Variants in WARS2 observed in about 807,000 individuals in gnomAD.
The protein encoded by WARS2 is tryptophanyl tRNA synthetase 2, mitochondrial.
Under a neutral mutation model 36.5 loss-of-function variants are expected in WARS2, and 28 were observed. The ratio of observed to expected loss-of-function variants is 0.77; its 90% CI spans 0.57 to 1.05. The LOEUF (loss-of-function observed/expected upper bound fraction) is 1.05, where lower values mean the gene tolerates loss of function less well. Ranked by LOEUF, WARS2 falls within the 50% of genes least tolerant of loss-of-function variation. The pLI, the probability that WARS2 is intolerant of heterozygous loss-of-function variation, is 0.00. For missense variants in WARS2, 435 were observed against 456.8 expected (o/e 0.95, Z 0.44); for synonymous variants, 174 against 178.4 (o/e 0.98, Z 0.20).
chr1:119,097,773 C>T (rs587741383), intron 1 of WARS2, among the ~76,000 whole-genome samples: 2 of 152,252 alleles, frequency 1.3e-5, no homozygotes, highest in African/African-American at 4.8e-5. Context: ...TCAATATATG[C>T]ATGTCAATGA....
chr1:119,078,508 CT>C (rs1280939078), intron 1 of WARS2, among the ~76,000 whole-genome samples: 1 of 152,008 alleles, frequency 6.6e-6, no homozygotes, highest in Non-Finnish European at 1.5e-5. Flanking sequence ...TATTAGCAGT[CT>C]TTTTATTTTT....
chr1:119,063,842 C>T (rs1650606497), intron 2 of WARS2: 1 of 152,142 alleles, frequency 6.6e-6, no homozygotes, highest in Non-Finnish European at 1.5e-5. Context: ...GCTGCAGGAG[C>T]GAGGCCCTTA....
At chr1:119,116,550 A>C (rs1362702120) in intron 1 of WARS2, among the ~76,000 whole-genome samples, 1 of 152,200 alleles carries the variant, frequency 6.6e-6, no homozygotes, top group Non-Finnish European at 1.5e-5. Flanking sequence ...GATAGCCAAA[A>C]AACTGTGAGT....
At chr1:119,057,214 C>T (rs1183409748) in intron 2 of WARS2, among the ~76,000 whole-genome samples, 2 of 151,860 alleles carry the variant, frequency 1.3e-5, no homozygotes, top group East Asian at 2.0e-4. Context: ...GGCACGATCT[C>T]GGCTGACTGA....
intron 1 of WARS2, among the ~76,000 whole-genome samples, chr1:119,096,626 C>A (rs752373547): frequency 2.0e-5 from 3 of 152,020 alleles, no homozygotes; most frequent in Non-Finnish European, 4.4e-5. Flanking sequence ...CTCCTCCTTC[C>A]CCAACTGGAA....
rs1656421961 is a variant in WARS2 at position 119,135,570 on chromosome 1, T to C, written c.90+4985A>G. Among the ~76,000 whole-genome samples the C allele has an allele frequency of 2.0e-5, 3 of 152,184 alleles. No homozygotes were observed. In the South Asian group the frequency reaches 6.2e-4, roughly 32 times the overall value. On this transcript the variant is annotated intron_variant, in intron 1 of 5. Transcript: ENST00000235521. Reference sequence around the variant, plus strand: ...TAGTTTCCTCTTTTATAAAATGGGATGAATAATATTTACAAATTGTTGTAT... The same window carrying C: ...TAGTTTCCTCTTTTATAAAATGGGACGAATAATATTTACAAATTGTTGTAT...
At chr1:119,115,789 T>G (rs1444393599) in intron 1 of WARS2, among the ~76,000 whole-genome samples, 1 of 152,226 alleles carries the variant, frequency 6.6e-6, no homozygotes, top group Non-Finnish European at 1.5e-5. Context: ...TTCTAATCAC[T>G]GACACCCATG....
At chr1:119,114,566 A>C (rs772787156) in intron 1 of WARS2, among the ~76,000 whole-genome samples, 20 of 152,196 alleles carry the variant, frequency 1.3e-4, no homozygotes, top group Non-Finnish European at 2.1e-4. Context: ...AACACCCCTT[A>C]GCAACACAAC....
rs185641304 is a variant in WARS2 at position 119,053,045 on chromosome 1, C to T, written c.349-7383G>A. Among the ~76,000 whole-genome samples, 153 of 152,248 alleles carry T rather than the reference C, an allele frequency of 1.0e-3. 2 individuals are homozygous for T. Among genetic ancestry groups the T allele is most frequent in the East Asian group, 3.9e-4 (2 of 5,172 alleles). On this transcript the variant is annotated intron_variant, in intron 2 of 5. Coordinates refer to ENST00000235521, the MANE Select transcript of WARS2 (RefSeq NM_015836.4). Reference sequence around the variant, plus strand: ...AACATCAGTGGGACAGAAAGAGATGCCTCTCCCACAGGAGAAGTCACAAGG... The same window carrying T: ...AACATCAGTGGGACAGAAAGAGATGTCTCTCCCACAGGAGAAGTCACAAGG...
At chr1:119,091,324 T>C (rs587697877) in intron 1 of WARS2, among the ~76,000 whole-genome samples, 1 of 152,280 alleles carries the variant, frequency 6.6e-6, no homozygotes, top group Non-Finnish European at 1.5e-5. Context: ...TTGATCCTCA[T>C]AAAAACTCTG....
chr1:119,058,307 C>CTTT (rs56404141), intron 2 of WARS2, among the ~76,000 whole-genome samples: 54 of 127,962 alleles, frequency 4.2e-4, no homozygotes, highest in East Asian at 6.2e-4. Flanking sequence ...TTCCCTATTT[C>CTTT]TTTTTTTTTT....
intron 2 of WARS2, 59 bp from the exon 3 acceptor site, chr1:119,045,721 G>C (rs764925343): frequency 1.6e-5 from 21 of 1,329,930 alleles, no homozygotes; most frequent in African/African-American, 2.9e-5. Flanking sequence ...CATATAAGAA[G>C]AACTAAGTAG....
At chr1:119,096,901 A>T (rs183064032) in intron 1 of WARS2, among the ~76,000 whole-genome samples, 2 of 152,342 alleles carry the variant, frequency 1.3e-5, no homozygotes, top group Non-Finnish European at 2.9e-5. Context: ...CTGTACCATG[A>T]AAAGTTATTA....
intron 2 of WARS2, among the ~76,000 whole-genome samples, chr1:119,061,435 A>G (rs1650370608): frequency 6.6e-6 from 1 of 152,206 alleles, no homozygotes; most frequent in African/African-American, 2.4e-5. Flanking sequence ...ATATCATTAT[A>G]AAGTCTTAAA....
intron 1 of WARS2, among the ~76,000 whole-genome samples, chr1:119,134,330 A>AAAAAAAAAAAAAAAAAAAAAAAAAAAC (rs1656332911): frequency 6.6e-6 from 1 of 150,978 alleles, no homozygotes; most frequent in Non-Finnish European, 1.5e-5. Flanking sequence ...AAAAAAAAAA[A>AAAAAAAAAAAAAAAAAAAAAAAAAAAC]AAAAAAAAAA....
chr1:119,069,337 A>G (rs1010224326), intron 2 of WARS2, among the ~76,000 whole-genome samples: 2 of 152,242 alleles, frequency 1.3e-5, no homozygotes, highest in Non-Finnish European at 1.5e-5. Flanking sequence ...CTCCCAAAAC[A>G]TTAAATAAAA....
intron 2 of WARS2, among the ~76,000 whole-genome samples, chr1:119,058,965 G>C (rs1245309055): frequency 8.6e-5 from 13 of 152,016 alleles, no homozygotes; most frequent in Middle Eastern, 3.4e-3. Flanking sequence ...TCCTCTCCAG[G>C]ACCTGTTGTT....
At chr1:119,073,160 GAAAAAAAA>G (rs200552851) in intron 2 of WARS2, among the ~76,000 whole-genome samples, 1 of 61,804 alleles carries the variant, frequency 1.6e-5, no homozygotes, top group East Asian at 1.1e-3. Context: ...GTTCAAAAAA[GAAAAAAAA>G]AAAAAGAAAA....
chr1:119,092,373 G>C (rs1571346475), intron 1 of WARS2, among the ~76,000 whole-genome samples: 1 of 152,226 alleles, frequency 6.6e-6, no homozygotes, highest in East Asian at 1.9e-4. Context: ...CATTTAAAAT[G>C]ACATTATCTT....
Sources: allele counts gnomAD v4.1 joint callset (sites outside exome capture counted in the v4.1 genomes callset), GRCh38; gene constraint gnomAD v4.1.1; transcripts MANE v1.5; gene names NCBI Gene and HGNC (gene_info 2026-07-23, HGNC 2026-07-21).